GTF2IRD2B: variants seen among roughly 807,000 people sequenced by gnomAD.
GTF2IRD2B encodes the protein general transcription factor II-I repeat domain-containing protein 2B.
GTF2IRD2B carries 10 observed loss-of-function variants against 55.6 expected under a neutral mutation model. That is an observed-to-expected ratio of 0.18 (90% CI 0.11 to 0.31). The LOEUF (loss-of-function observed/expected upper bound fraction) is 0.31, where lower values mean the gene tolerates loss of function less well. GTF2IRD2B is among the 10% of genes least tolerant of loss of function. GTF2IRD2B has a pLI of 1.00. For synonymous variants in GTF2IRD2B, 107 were observed against 320.5 expected, an observed-to-expected ratio of 0.33 and a Z score of 7.12; for missense variants, 206 against 802.7, an observed-to-expected ratio of 0.26 and a Z score of 8.98.
At chr7:75,139,662 A>G (rs1554453880) in intron 12 of GTF2IRD2B, among the ~76,000 whole-genome samples, 1 of 110,242 alleles carries the variant, frequency 9.1e-6, no homozygotes, top group Non-Finnish European at 1.8e-5. Context: ...AATAATAATA[A>G]TCTTCTTTTC....
At chr7:75,136,033 C>T (rs1169360522) in intron 10 of GTF2IRD2B, among the ~76,000 whole-genome samples, 5 of 63,726 alleles carry the variant, frequency 7.8e-5, no homozygotes, top group Admixed American at 6.3e-4. Flanking sequence ...CCCAGCTACT[C>T]GGGAGGCTGA....
intron 1 of GTF2IRD2B, among the ~76,000 whole-genome samples, chr7:75,093,464 C>A (rs1309790441): frequency 2.0e-5 from 3 of 152,138 alleles, no homozygotes; most frequent in Non-Finnish European, 4.4e-5. Context: ...GTGAATAATT[C>A]AGTGCACAGA....
intron 10 of GTF2IRD2B, among the ~76,000 whole-genome samples, chr7:75,136,086 A>G (rs1808825744): frequency 9.8e-6 from 1 of 101,836 alleles, no homozygotes; most frequent in Non-Finnish European, 1.9e-5. Flanking sequence ...GGCTGCAGTG[A>G]GCCGAAATCG....
intron 1 of GTF2IRD2B, among the ~76,000 whole-genome samples, chr7:75,092,990 G>C (rs1253938281): frequency 1.3e-5 from 2 of 151,676 alleles, no homozygotes; most frequent in Admixed American, 6.6e-5. Context: ...GCCTTGCCGC[G>C]GGGGCAATGG....
chr7:75,137,186 G>A (rs1808867553), intron 11 of GTF2IRD2B, among the ~76,000 whole-genome samples: 3 of 149,010 alleles, frequency 2.0e-5, no homozygotes, highest in Non-Finnish European at 3.0e-5. Context: ...CTGGGTGACA[G>A]AGCGAGATTC....
intron 4 of GTF2IRD2B, among the ~76,000 whole-genome samples, chr7:75,121,763 G>C (rs1261882412): frequency 1.4e-5 from 2 of 145,300 alleles, no homozygotes; most frequent in East Asian, 4.1e-4. Context: ...CTGGCCACCA[G>C]TTCTTTTTTT....
In GTF2IRD2B at chr7:75,115,353, A is replaced by G. The variant is rs587770716; in HGVS notation, c.238+2818A>G. ...ATGTTTTGAAATCAGGAAGTATGAG[A>G]CCTCCAAATTTGCTCTTCTTCAAGA... On this transcript the variant is annotated intron_variant, in intron 3 of 15. Coordinates refer to ENST00000472837, the MANE Select transcript of GTF2IRD2B (RefSeq NM_001003795.3). Among the ~76,000 whole-genome samples the G allele has an allele frequency of 6.0e-5, 9 of 150,016 alleles. No individual in the cohort carries two copies. In the East Asian group the frequency reaches 1.6e-3, roughly 26 times the overall value.
chr7:75,117,436 A>G (rs1808199695), intron 3 of GTF2IRD2B, among the ~76,000 whole-genome samples: 1 of 152,416 alleles, frequency 6.6e-6, no homozygotes, highest in Non-Finnish European at 1.5e-5. Flanking sequence ...CGGAGGTTGC[A>G]GTGAGCTCTC....
At position 75,106,283 on chromosome 7, in the gene GTF2IRD2B, A is replaced by G. The variant is rs1379419686; in HGVS notation, c.-5-2677A>G. On this transcript the variant is annotated intron_variant, in intron 1 of 15. Coordinates refer to ENST00000472837, the MANE Select transcript of GTF2IRD2B (RefSeq NM_001003795.3). ...CCGAGCATGGTGGCGCCTGCCTGTAATCCCAGCTACTTGGGAGGCTGAGGC... is the reference window on the plus strand; with the variant it reads ...CCGAGCATGGTGGCGCCTGCCTGTAGTCCCAGCTACTTGGGAGGCTGAGGC... Among the ~76,000 whole-genome samples the G allele has an allele frequency of 3.9e-5, 6 of 152,386 alleles. No homozygotes were observed. The South Asian group carries it at 8.3e-4, about 21-fold the overall frequency.
intron 1 of GTF2IRD2B, among the ~76,000 whole-genome samples, chr7:75,103,596 A>C (rs1351989846): frequency 9.2e-5 from 14 of 151,760 alleles, no homozygotes; most frequent in Admixed American, 9.2e-4. Context: ...ACCTCGGGAC[A>C]AGCAAAGAAC....
intron 13 of GTF2IRD2B, among the ~76,000 whole-genome samples, chr7:75,141,977 A>AT (rs1186659725): frequency 6.8e-6 from 1 of 147,048 alleles, no homozygotes; most frequent in Non-Finnish European, 1.5e-5. Flanking sequence ...CCTACTACCC[A>AT]TGCTAATTCC....
At chr7:75,107,382 T>A (rs1807841348) in intron 1 of GTF2IRD2B, among the ~76,000 whole-genome samples, 1 of 151,224 alleles carries the variant, frequency 6.6e-6, no homozygotes, top group Non-Finnish European at 1.5e-5. Flanking sequence ...GAGACCATCC[T>A]GGCTAACATG....
At chr7:75,147,454 T>C (rs1809181374) in intron 15 of GTF2IRD2B, among the ~76,000 whole-genome samples, 1 of 151,812 alleles carries the variant, frequency 6.6e-6, no homozygotes, top group Non-Finnish European at 1.5e-5. Context: ...CAACAAAAAT[T>C]CAGTCTTCAG....
At position 75,104,108 on chromosome 7, in the gene GTF2IRD2B, G is replaced by A. The variant is rs1353288321; in HGVS notation, c.-5-4852G>A. ...CTTCATCACCAGGGGTGCCCCTTGG[G>A]CTGTTGCTGTGGCATCTCCCTTTTT... On this transcript the variant is annotated intron_variant, in intron 1 of 15. Coordinates refer to ENST00000472837, the MANE Select transcript of GTF2IRD2B (RefSeq NM_001003795.3). Among the ~76,000 whole-genome samples the A allele has an allele frequency of 3.0e-5, 4 of 133,196 alleles. No homozygotes were observed. The East Asian group carries it at 9.4e-4, about 31-fold the overall frequency. 87.4% of individuals were successfully genotyped at this position (133,196 alleles called of 152,430 possible).
At chr7:75,102,207 T>C (rs587597650) in intron 1 of GTF2IRD2B, among the ~76,000 whole-genome samples, 21 of 151,394 alleles carry the variant, frequency 1.4e-4, no homozygotes, top group Admixed American at 1.3e-3. Flanking sequence ...TTCACCAAGT[T>C]GGCCAGGATG....
chr7:75,112,854 GA>G (rs1257397598), intron 3 of GTF2IRD2B, among the ~76,000 whole-genome samples: 2 of 66,836 alleles, frequency 3.0e-5, no homozygotes, highest in South Asian at 6.5e-4. Context: ...AAGGAAGGGG[GA>G]AAAACTTTTT....
chr7:75,104,886 A>G (rs1281837157), intron 1 of GTF2IRD2B, among the ~76,000 whole-genome samples: 1 of 152,278 alleles, frequency 6.6e-6, no homozygotes, highest in Non-Finnish European at 1.5e-5. Context: ...TTGCCAGAAC[A>G]GAGTCTTTGC....
chr7:75,119,924 C>G lies in GTF2IRD2B; in HGVS notation c.239-967C>G, dbSNP rs1308131802. On this transcript the variant is annotated intron_variant, in intron 3 of 15. Coordinates refer to ENST00000472837, the MANE Select transcript of GTF2IRD2B (RefSeq NM_001003795.3). ...CAGGCGGATCACGAGGTCAGGAGATCGAGACCATTCTGGCTAACGTGGTGA... is the reference window on the plus strand; with the variant it reads ...CAGGCGGATCACGAGGTCAGGAGATGGAGACCATTCTGGCTAACGTGGTGA... 2.4e-5 allele frequency among the ~76,000 whole-genome samples: 3 copies of G among 124,278 alleles called. 1 individual carries two copies. Among genetic ancestry groups the G allele is most frequent in the Admixed American group, 2.4e-4 (3 of 12,588 alleles). 81.5% of individuals were successfully genotyped at this position (124,278 alleles called of 152,430 possible). A position where few individuals can be genotyped will look rare whatever the true frequency, so the allele number is the denominator to read the frequency against.
chr7:75,149,394 T>C lies in GTF2IRD2B; in HGVS notation c.*97T>C. On this transcript the variant is annotated 3_prime_UTR_variant, in exon 16 of 16. Coordinates refer to ENST00000472837, the MANE Select transcript of GTF2IRD2B (RefSeq NM_001003795.3). Reference sequence around the variant, plus strand: ...ATGACAAAATGAATTTTTTTTTTCTTTTTTGAGATGGAGTCTTGCTCTGTC... The same window carrying C: ...ATGACAAAATGAATTTTTTTTTTCTCTTTTGAGATGGAGTCTTGCTCTGTC... 1 of 775,434 alleles carries C rather than the reference T, an allele frequency of 1.3e-6. No homozygotes were observed. Among genetic ancestry groups the C allele is most frequent in the Non-Finnish European group, 2.4e-6 (1 of 417,060 alleles). The allele number at this position is 775,434 out of a possible 1,614,324, so 48.0% of individuals were successfully genotyped here.
Sources: gnomAD v4.1 joint callset for allele counts (sites outside exome capture counted in the v4.1 genomes callset) on GRCh38, gnomAD v4.1.1 for gene constraint, MANE v1.5 for transcripts, NCBI Gene and HGNC (gene_info 2026-07-23, HGNC 2026-07-21) for gene names.